Variants in ZNF385D observed in about 807,000 individuals in gnomAD.
The protein encoded by ZNF385D is zinc finger protein 659.
Under a neutral mutation model 35.8 loss-of-function variants are expected in ZNF385D, and 15 were observed. That is an observed-to-expected ratio of 0.42 (90% CI 0.28 to 0.64). ZNF385D has a LOEUF of 0.64. ZNF385D is among the 30% of genes least tolerant of loss of function. The pLI is 0.23. For synonymous variants in ZNF385D, 212 were observed against 186.8 expected (o/e 1.13, Z -1.10); for missense variants, 474 against 494.6 (o/e 0.96, Z 0.39).
At chr3:21,634,816 CTCT>C (rs2065380848) in intron 2 of ZNF385D, among the ~76,000 whole-genome samples, 1 of 149,532 alleles carries the variant, frequency 6.7e-6, no homozygotes, top group Admixed American at 6.7e-5. Flanking sequence ...ATTTGGCTTA[CTCT>C]TTTTTTTTTT....
At chr3:21,668,112 AG>A (rs780066379) in intron 1 of ZNF385D, among the ~76,000 whole-genome samples, 3 of 152,102 alleles carry the variant, frequency 2.0e-5, no homozygotes, top group Non-Finnish European at 1.5e-5. Flanking sequence ...TCTGATTCCC[AG>A]AACCCCCTTC....
intron 1 of ZNF385D, among the ~76,000 whole-genome samples, chr3:21,685,618 T>G (rs2067079034): frequency 6.6e-6 from 1 of 152,184 alleles, no homozygotes. Flanking sequence ...CTGATGGATG[T>G]TGAAACCAAA....
intron 3 of ZNF385D, among the ~76,000 whole-genome samples, chr3:21,981,656 G>C (rs904870890): frequency 6.6e-6 from 1 of 152,060 alleles, no homozygotes; most frequent in Non-Finnish European, 1.5e-5. Flanking sequence ...GTCCAGGGTG[G>C]TATTGCCTAG....
chr3:22,040,035 G>A (rs931534317), intron 3 of ZNF385D, among the ~76,000 whole-genome samples: 3 of 152,076 alleles, frequency 2.0e-5, no homozygotes, highest in African/African-American at 7.2e-5. Context: ...GCCTCAACCT[G>A]GCCATGCATT....
At chr3:22,345,151 CA>C (rs1695600597) in intron 2 of ZNF385D, among the ~76,000 whole-genome samples, 1 of 152,100 alleles carries the variant, frequency 6.6e-6, no homozygotes, top group South Asian at 2.1e-4. Flanking sequence ...AATAATAATG[CA>C]AACCATACTA....
chr3:21,511,297 G>C (rs546675526), intron 3 of ZNF385D, among the ~76,000 whole-genome samples: 1 of 152,180 alleles, frequency 6.6e-6, no homozygotes, highest in East Asian at 1.9e-4. Flanking sequence ...CTTTGTGGGA[G>C]CGGGGAAAAA....
chr3:21,907,857 A>G (rs1699758147), intron 3 of ZNF385D, among the ~76,000 whole-genome samples: 1 of 152,102 alleles, frequency 6.6e-6, no homozygotes, highest in Non-Finnish European at 1.5e-5. Context: ...CTTACAGGAT[A>G]CATATATGTG....
intron 3 of ZNF385D, among the ~76,000 whole-genome samples, chr3:21,967,514 A>T (rs184238913): frequency 6.6e-6 from 1 of 152,354 alleles, no homozygotes; most frequent in Admixed American, 6.5e-5. Context: ...CTGCTAAAAC[A>T]GCTGGTCCTA....
At chr3:21,923,467 TAAAAC>T (rs1366331220) in intron 3 of ZNF385D, among the ~76,000 whole-genome samples, 6 of 152,168 alleles carry the variant, frequency 3.9e-5, no homozygotes, top group African/African-American at 9.7e-5. Flanking sequence ...CCACCAAACT[TAAAAC>T]AGAACTACTA....
chr3:21,777,371 T>C (rs1424724633), intron 3 of ZNF385D, among the ~76,000 whole-genome samples: 4 of 151,908 alleles, frequency 2.6e-5, no homozygotes. Flanking sequence ...ATGCCCTCTC[T>C]CTCTACCGAG....
intron 1 of ZNF385D, among the ~76,000 whole-genome samples, chr3:21,727,644 A>G (rs2068824419): frequency 6.6e-6 from 1 of 152,236 alleles, no homozygotes. Flanking sequence ...CAGAATGGCA[A>G]TCATTAAAAA....
intron 2 of ZNF385D, among the ~76,000 whole-genome samples, chr3:21,640,592 A>G (rs958966990): frequency 6.6e-6 from 1 of 152,078 alleles, no homozygotes; most frequent in African/African-American, 2.4e-5. Context: ...CTCTCCTGTG[A>G]GAATACAATG....
intron 2 of ZNF385D, among the ~76,000 whole-genome samples, chr3:22,180,186 A>G (rs1481676519): frequency 3.3e-5 from 5 of 152,244 alleles, no homozygotes; most frequent in African/African-American, 4.8e-5. Context: ...AGAAATCTGG[A>G]AGAAATGGAT....
chr3:22,008,192 T>C (rs1696336440), intron 3 of ZNF385D, among the ~76,000 whole-genome samples: 2 of 152,068 alleles, frequency 1.3e-5, no homozygotes, highest in Non-Finnish European at 2.9e-5. Flanking sequence ...AACTTCTAAG[T>C]GCTACACTTT....
intron 3 of ZNF385D, among the ~76,000 whole-genome samples, chr3:22,019,484 A>C (rs545834789): frequency 2.0e-5 from 3 of 151,988 alleles, no homozygotes; most frequent in African/African-American, 7.2e-5. Flanking sequence ...TAAAGATACT[A>C]ATTGAATTTG....
intron 3 of ZNF385D, among the ~76,000 whole-genome samples, chr3:22,025,421 C>G (rs1015075978): frequency 6.6e-6 from 1 of 151,978 alleles, no homozygotes; most frequent in Admixed American, 6.6e-5. Flanking sequence ...GTGCTACACT[C>G]GAAAAGAACT....
chr3:22,358,386 C>T lies in ZNF385D; in HGVS notation c.106+14064G>A, dbSNP rs571066942. 2.0e-5 allele frequency among the ~76,000 whole-genome samples: 3 copies of T among 151,982 alleles called. No individual in the cohort carries two copies. In the South Asian group the frequency reaches 6.2e-4, roughly 31 times the overall value. On this transcript the variant is annotated intron_variant, in intron 2 of 5. Coordinates refer to the ZNF385D transcript ENST00000494108. ...CTCTGCAAATATTCAAGGAAGACAG[C>T]TTCATTTTTGAACAAAATGCAACTT...
intron 1 of ZNF385D, among the ~76,000 whole-genome samples, chr3:21,748,154 A>C (rs1395487539): frequency 6.6e-6 from 1 of 152,232 alleles, no homozygotes; most frequent in Non-Finnish European, 1.5e-5. Flanking sequence ...AAAACACTGC[A>C]CTAAAATCTC....
intron 3 of ZNF385D, among the ~76,000 whole-genome samples, chr3:21,557,112 A>C (rs1300471830): frequency 6.6e-6 from 1 of 152,180 alleles, no homozygotes; most frequent in Non-Finnish European, 1.5e-5. Flanking sequence ...GTCATCTGCA[A>C]ACAGACAAGT....
Sources: gnomAD v4.1 joint callset for allele counts (sites outside exome capture counted in the v4.1 genomes callset) on GRCh38, gnomAD v4.1.1 for gene constraint, MANE v1.5 for transcripts, NCBI Gene and HGNC (gene_info 2026-07-23, HGNC 2026-07-21) for gene names.